The following DYRK1A variants were observed in gnomAD, a reference collection of about 807,000 sequenced individuals.
The protein encoded by DYRK1A is dual specificity tyrosine-phosphorylation-regulated kinase 1A.
A neutral mutation model predicts 79.7 loss-of-function variants in DYRK1A; 9 were observed. That is an observed-to-expected ratio of 0.11 (90% confidence interval 0.07 to 0.20). DYRK1A has a LOEUF of 0.20. Ranked by LOEUF, DYRK1A falls within the 10% of genes least tolerant of loss-of-function variation. The pLI is 1.00. For missense variants in DYRK1A, 622 were observed against 956.0 expected (o/e 0.65, Z 4.61); for synonymous variants, 349 against 329.7 (o/e 1.06, Z -0.63).
At chr21:37,390,626 C>T (rs1309509260) in intron 1 of DYRK1A, among the ~76,000 whole-genome samples, 8 of 152,104 alleles carry the variant, frequency 5.3e-5, no homozygotes, top group African/African-American at 7.2e-5. Flanking sequence ...TGGAGTGCAG[C>T]GGCATGATCT....
intron 2 of DYRK1A, among the ~76,000 whole-genome samples, chr21:37,451,697 G>A (rs1376902353): frequency 6.6e-6 from 1 of 152,076 alleles, no homozygotes; most frequent in Non-Finnish European, 1.5e-5. Context: ...TCTAGCGTGG[G>A]CGTGCAGTGT....
intron 2 of DYRK1A, among the ~76,000 whole-genome samples, chr21:37,465,438 T>C (rs947572281): frequency 6.6e-6 from 1 of 152,218 alleles, no homozygotes; most frequent in Non-Finnish European, 1.5e-5. Flanking sequence ...TATAACTTAT[T>C]TTTGGATTAT....
intron 1 of DYRK1A, among the ~76,000 whole-genome samples, chr21:37,385,380 CAT>C (rs2049740103): frequency 6.6e-6 from 1 of 152,168 alleles, no homozygotes; most frequent in African/African-American, 2.4e-5. Context: ...CTTCTAAGCT[CAT>C]ATGGTTGTTG....
At chr21:37,383,837 ATG>A (rs112549944) in intron 1 of DYRK1A, among the ~76,000 whole-genome samples, 70 of 148,282 alleles carry the variant, frequency 4.7e-4, no homozygotes, top group South Asian at 1.3e-3. Flanking sequence ...GTAATGGTGT[ATG>A]TGTGTGTGTG....
intron 3 of DYRK1A, among the ~76,000 whole-genome samples, chr21:37,474,771 G>A (rs1042077821): frequency 3.3e-5 from 5 of 152,226 alleles, no homozygotes; most frequent in African/African-American, 9.6e-5. Flanking sequence ...GAAATAGAGC[G>A]AAAGTAGGTG....
chr21:37,461,493 G>T (rs1167501059), intron 2 of DYRK1A, among the ~76,000 whole-genome samples: 1 of 151,992 alleles, frequency 6.6e-6, no homozygotes, highest in Non-Finnish European at 1.5e-5. Context: ...TTATTCCTTT[G>T]TGTGAATCTC....
chr21:37,418,042 A>G (rs1602447184), intron 1 of DYRK1A, among the ~76,000 whole-genome samples: 1 of 152,232 alleles, frequency 6.6e-6, no homozygotes, highest in Admixed American at 6.5e-5. Context: ...TAAGAAGAAA[A>G]TCGTATCTGT....
intron 2 of DYRK1A, among the ~76,000 whole-genome samples, chr21:37,452,354 T>G (rs2051481002): frequency 7.4e-5 from 10 of 135,162 alleles, no homozygotes; most frequent in African/African-American, 1.1e-4. Context: ...TTGAGGGGGA[T>G]TGAGGTAAAG....
chr21:37,465,437 T>C (rs190944789), intron 2 of DYRK1A, among the ~76,000 whole-genome samples: 1 of 152,340 alleles, frequency 6.6e-6, no homozygotes, highest in East Asian at 1.9e-4. Flanking sequence ...CTATAACTTA[T>C]TTTTGGATTA....
At chr21:37,465,710 G>A (rs1266968940) in intron 2 of DYRK1A, among the ~76,000 whole-genome samples, 1 of 152,050 alleles carries the variant, frequency 6.6e-6, no homozygotes, top group African/African-American at 2.4e-5. Context: ...GGTGGCGGGT[G>A]CCTGTAATCC....
intron 2 of DYRK1A, chr21:37,456,448 T>C (rs1480587219): frequency 1.3e-5 from 2 of 152,188 alleles, no homozygotes; most frequent in Non-Finnish European, 2.9e-5. Flanking sequence ...AATTCCTCTG[T>C]CTTTTGGCCC....
At chr21:37,454,856 T>C (rs919591303) in intron 2 of DYRK1A, among the ~76,000 whole-genome samples, 1 of 152,168 alleles carries the variant, frequency 6.6e-6, no homozygotes, top group African/African-American at 2.4e-5. Flanking sequence ...CTTTCCACTA[T>C]ATTGAGAAGG....
chr21:37,393,764 C>T (rs1350023305), intron 1 of DYRK1A, among the ~76,000 whole-genome samples: 1 of 152,220 alleles, frequency 6.6e-6, no homozygotes, highest in African/African-American at 2.4e-5. Context: ...TGTCTCCATC[C>T]CACGTGGCAT....
At chr21:37,476,042 C>CT (rs1601209805) in intron 3 of DYRK1A, among the ~76,000 whole-genome samples, 1 of 152,170 alleles carries the variant, frequency 6.6e-6, no homozygotes, top group East Asian at 1.9e-4. Flanking sequence ...AGAGGGTAGA[C>CT]TAGAGGCGTA....
rs1440273477 is a variant in DYRK1A at position 37,462,975 on chromosome 21, C to G, written c.11-9709C>G. On this transcript the variant is annotated intron_variant, in intron 2 of 11. Transcript: ENST00000647188. ...CTCTACAAAGGTCATAAGTGGAAAT[C>G]TGATAATACAAATTCCTAAGGGTAA... Among the ~76,000 whole-genome samples the G allele has an allele frequency of 2.6e-5, 4 of 152,296 alleles. No homozygotes were observed. The East Asian group carries it at 7.7e-4, about 29-fold the overall frequency.
chr21:37,468,090 AC>A (rs1245591580), intron 2 of DYRK1A, among the ~76,000 whole-genome samples: 1 of 152,134 alleles, frequency 6.6e-6, no homozygotes, highest in Non-Finnish European at 1.5e-5. Context: ...TCAGGAACTT[AC>A]ATGGAATAGC....
intron 2 of DYRK1A, among the ~76,000 whole-genome samples, chr21:37,445,160 T>G (rs890027747): frequency 6.6e-6 from 1 of 152,186 alleles, no homozygotes; most frequent in Non-Finnish European, 1.5e-5. Context: ...CTTTTTAATA[T>G]GTTAGTTTGC....
intron 1 of DYRK1A, among the ~76,000 whole-genome samples, chr21:37,407,570 T>C (rs1438744606): frequency 6.6e-6 from 1 of 152,210 alleles, no homozygotes. Context: ...AAGTAAGGCA[T>C]ATAACCTCTC....
intron 11 of DYRK1A, among the ~76,000 whole-genome samples, chr21:37,507,500 C>T (rs545275928): frequency 1.1e-4 from 16 of 152,230 alleles, no homozygotes; most frequent in Non-Finnish European, 2.4e-4. Context: ...GTCCTGCCCT[C>T]CAACTCTCCT....
Sources: allele counts gnomAD v4.1 joint callset (sites outside exome capture counted in the v4.1 genomes callset), GRCh38; gene constraint gnomAD v4.1.1; transcripts MANE v1.5; gene names NCBI Gene and HGNC (gene_info 2026-07-23, HGNC 2026-07-21).